Variants in SEPTIN7 observed in about 807,000 individuals in gnomAD.
SEPTIN7 encodes the protein septin-7.
In SEPTIN7, 10 loss-of-function variants were observed where a neutral mutation model predicts 63.3. That is an observed-to-expected ratio of 0.16 (90% CI 0.10 to 0.27). SEPTIN7 has a LOEUF of 0.27. Ranked by LOEUF, SEPTIN7 falls within the 10% of genes least tolerant of loss-of-function variation. SEPTIN7 has a pLI of 1.00. For missense variants in SEPTIN7, 310 were observed against 521.0 expected (o/e 0.59, Z 3.94); for synonymous variants, 131 against 165.3 (o/e 0.79, Z 1.59).
intron 3 of SEPTIN7, among the ~76,000 whole-genome samples, chr7:35,860,300 T>G (rs1384980010): frequency 6.6e-6 from 1 of 152,166 alleles, no homozygotes; most frequent in African/African-American, 2.4e-5. Flanking sequence ...TTATTATACA[T>G]TATGTACCTA....
At chr7:35,803,554 A>T (rs144924446) in intron 1 of SEPTIN7, among the ~76,000 whole-genome samples, 11 of 152,338 alleles carry the variant, frequency 7.2e-5, no homozygotes, top group African/African-American at 2.4e-4. Context: ...TTCATTGTAG[A>T]CTGTATTCTG....
chr7:35,870,411 T>G (rs1039568642), intron 4 of SEPTIN7, among the ~76,000 whole-genome samples: 1 of 152,224 alleles, frequency 6.6e-6, no homozygotes, highest in Admixed American at 6.5e-5. Flanking sequence ...AGAAATAGTT[T>G]GAAGTAAAAT....
chr7:35,885,655 T>C (rs749895150), intron 9 of SEPTIN7, among the ~76,000 whole-genome samples, 173 bp from the exon 10 acceptor site: 1 of 152,206 alleles, frequency 6.6e-6, no homozygotes, highest in African/African-American at 2.4e-5. Context: ...TAGAGTACAC[T>C]TCTCTGTCAT....
chr7:35,823,649 C>T (rs1783348754), intron 1 of SEPTIN7, among the ~76,000 whole-genome samples: 2 of 152,180 alleles, frequency 1.3e-5, no homozygotes, highest in African/African-American at 4.8e-5. Flanking sequence ...TCAAATGACT[C>T]CTACAGCCAA....
At chr7:35,914,238 A>G in the SEPTIN7 span, among the ~76,000 whole-genome samples, 1 of 152,238 alleles carries the variant, frequency 6.6e-6, no homozygotes, top group Non-Finnish European at 1.5e-5. Flanking sequence ...TTAATTATAT[A>G]GGAATGTTTA....
At chr7:35,819,038 G>C (rs190644930) in intron 1 of SEPTIN7, among the ~76,000 whole-genome samples, 1 of 152,000 alleles carries the variant, frequency 6.6e-6, no homozygotes, top group Admixed American at 6.5e-5. Context: ...AGTTTCTTGA[G>C]ATGGAAGGTT....
At chr7:35,855,154 G>T (rs1172527841) in intron 3 of SEPTIN7, among the ~76,000 whole-genome samples, 2 of 151,976 alleles carry the variant, frequency 1.3e-5, no homozygotes, top group African/African-American at 2.4e-5. Context: ...TGTGTAAACA[G>T]TACCATGCTA....
chr7:35,873,731 C>G lies in SEPTIN7; in HGVS notation c.468C>G (p.Asn156Lys). 5.6e-6 allele frequency: 9 copies of G among 1,610,836 alleles called. No homozygotes were observed. Among genetic ancestry groups the G allele is most frequent in the East Asian group, 2.2e-5 (1 of 44,848 alleles). ...SRVNRRQMPD[N>K]RVQCCLYFIA... ...TGAACAGACGTCAGATGCCTGATAA[C>G]AGGGTGCAGTGTTGTTTATACTTCA... The change falls in exon 6 of 14, where the codon AAC (asparagine) becomes AAG (lysine). Residue 156 changes from asparagine to lysine, a missense_variant. Physicochemically the swap from Asn to Lys is moderately conservative, Grantham distance 94. This residue lies in a region of SEPTIN7 where 255 missense variants were observed against 490.5 expected (regional missense o/e 0.52). Coordinates refer to ENST00000350320, the MANE Select transcript of SEPTIN7 (RefSeq NM_001788.6).
chr7:35,801,150 C>T lies in SEPTIN7; in HGVS notation c.-60C>T, dbSNP rs1787925637. ...GGCTACGCTGCGGAATCGGCGTAGG[C>T]GCCTTTGGAGAATCGGCGGGCTGCG... On this transcript the variant is annotated 5_prime_UTR_variant, in exon 1 of 14. Transcript: ENST00000350320. 12 of 1,392,398 alleles carry T rather than the reference C, an allele frequency of 8.6e-6. No individual in the cohort carries two copies. Among genetic ancestry groups the T allele is most frequent in the South Asian group, 1.4e-5 (1 of 71,754 alleles). 86.3% of individuals were successfully genotyped at this position (1,392,398 alleles called of 1,614,324 possible). A position where few individuals can be genotyped will look rare whatever the true frequency, so the allele number is the denominator to read the frequency against.
At chr7:35,915,052 T>C in the SEPTIN7 span, among the ~76,000 whole-genome samples, 89 of 151,870 alleles carry the variant, frequency 5.9e-4, 3 homozygotes, top group Non-Finnish European at 7.4e-5. Flanking sequence ...TGTATATATG[T>C]ATATATACAC....
At chr7:35,856,373 T>C (rs940979939) in intron 3 of SEPTIN7, among the ~76,000 whole-genome samples, 4 of 152,228 alleles carry the variant, frequency 2.6e-5, no homozygotes, top group African/African-American at 9.6e-5. Context: ...ATTTATCCAT[T>C]CAACTACTGA....
chr7:35,837,355 A>G (rs1303765630), intron 3 of SEPTIN7, among the ~76,000 whole-genome samples: 1 of 152,144 alleles, frequency 6.6e-6, no homozygotes, highest in Admixed American at 6.5e-5. Flanking sequence ...TAACCTATCT[A>G]TTGGTCAAAT....
intron 1 of SEPTIN7, among the ~76,000 whole-genome samples, chr7:35,813,563 T>G (rs2115728721): frequency 6.6e-6 from 1 of 152,222 alleles, no homozygotes; most frequent in African/African-American, 2.4e-5. Flanking sequence ...TTTGTAGGCA[T>G]GGGGTTTTGC....
chr7:35,812,609 G>A (rs1788800039), intron 1 of SEPTIN7, among the ~76,000 whole-genome samples: 1 of 152,080 alleles, frequency 6.6e-6, no homozygotes, highest in Admixed American at 6.6e-5. Context: ...TTAATTGAAG[G>A]ATGTGTATTC....
At chr7:35,809,728 G>A (rs148607140) in intron 1 of SEPTIN7, among the ~76,000 whole-genome samples, 2 of 152,266 alleles carry the variant, frequency 1.3e-5, no homozygotes, top group Middle Eastern at 3.4e-3. Flanking sequence ...GGTTAGAAGA[G>A]GTAAGTAGGC....
chr7:35,887,294 C>T (rs1340258897), intron 10 of SEPTIN7, among the ~76,000 whole-genome samples: 3 of 152,172 alleles, frequency 2.0e-5, no homozygotes, highest in East Asian at 1.9e-4. Flanking sequence ...TAAAAGTATA[C>T]AATCAATAAT....
rs1788606825 is a variant in SEPTIN7 at position 35,906,331 on chromosome 7, CTT to C, written c.*2040_*2041del. The C allele has an allele frequency of 6.6e-6, 1 of 152,172 alleles. No homozygotes were observed. Among genetic ancestry groups the C allele is most frequent in the African/African-American group, 2.4e-5 (1 of 41,434 alleles). The allele number at this position is 152,172 out of a possible 1,614,324, so 9.4% of individuals were successfully genotyped here. ...TGAATCTGATACAGGATCTATATAA[CTT>C]TACTAGGACTTTTGATTGTTGACTC... On this transcript the variant is annotated 3_prime_UTR_variant, in exon 14 of 14. Coordinates refer to ENST00000350320, the MANE Select transcript of SEPTIN7 (RefSeq NM_001788.6).
chr7:35,817,168 A>G (rs1789123142), intron 1 of SEPTIN7, among the ~76,000 whole-genome samples: 3 of 152,028 alleles, frequency 2.0e-5, no homozygotes, highest in South Asian at 4.1e-4. Flanking sequence ...ATGTTTTCTA[A>G]GAGTTTTATA....
intron 3 of SEPTIN7, among the ~76,000 whole-genome samples, chr7:35,852,347 C>T (rs1785004216): frequency 6.6e-6 from 1 of 151,922 alleles, no homozygotes; most frequent in African/African-American, 2.4e-5. Flanking sequence ...ACTACTATAA[C>T]CTTTGCCCCT....
Sources: gnomAD v4.1 joint callset for allele counts (sites outside exome capture counted in the v4.1 genomes callset) on GRCh38, gnomAD v4.1.1 for gene constraint, gnomAD v4.1.1 regional missense constraint, MANE v1.5 for transcripts, NCBI Gene and HGNC (gene_info 2026-07-23, HGNC 2026-07-21) for gene names.